DAGLA: variants seen among roughly 807,000 people sequenced by gnomAD.
The protein encoded by DAGLA is diacylglycerol lipase alpha, also known as diacylglycerol lipase-alpha.
Under a neutral mutation model 102.6 loss-of-function variants are expected in DAGLA, and 22 were observed. That is an observed-to-expected ratio of 0.21 (90% CI 0.15 to 0.31). The LOEUF (loss-of-function observed/expected upper bound fraction) is 0.31. Ranked by LOEUF, DAGLA falls within the 10% of genes least tolerant of loss-of-function variation. DAGLA has a pLI of 1.00. For synonymous variants in DAGLA, 578 were observed against 628.9 expected (o/e 0.92, Z 1.21); for missense variants, 927 against 1,446.6 (o/e 0.64, Z 5.83).
intron 1 of DAGLA, among the ~76,000 whole-genome samples, chr11:61,709,948 C>T (rs1004822492): frequency 6.6e-6 from 1 of 152,162 alleles, no homozygotes. Flanking sequence ...GCACCCACAC[C>T]AGCCAGACCC....
In DAGLA at chr11:61,744,655, T is replaced by C. The variant is rs2065521404; in HGVS notation, c.*166T>C. The C allele has an allele frequency of 5.0e-6, 3 of 594,548 alleles. No individual in the cohort carries two copies. In the Admixed American group the frequency reaches 1.0e-4, roughly 20 times the overall value. 36.8% of individuals were successfully genotyped at this position (594,548 alleles called of 1,614,324 possible). A position where few individuals can be genotyped will look rare whatever the true frequency, so the allele number is the denominator to read the frequency against. On this transcript the variant is annotated 3_prime_UTR_variant, in exon 20 of 20. Transcript: ENST00000257215. ...GGGGGTCCGCATCCCTACCTCAGCT[T>C]AGGACCCCCAGAGCCAAGGTGGCTG...
chr11:61,705,498 C>T (rs1192049182), intron 1 of DAGLA, among the ~76,000 whole-genome samples: 1 of 152,206 alleles, frequency 6.6e-6, no homozygotes, highest in African/African-American at 2.4e-5. Flanking sequence ...GTGCTTGTTC[C>T]GCTCTGCTCT....
At position 61,744,588 on chromosome 11, in the gene DAGLA, C is replaced by A. The variant is rs2065520678; in HGVS notation, c.*99C>A. 1.9e-6 allele frequency: 2 copies of A among 1,063,406 alleles called. No homozygotes were observed. The highest frequency in any genetic ancestry group is 2.6e-5 in the Admixed American group (1 of 38,854). 65.9% of individuals were successfully genotyped at this position (1,063,406 alleles called of 1,614,324 possible). ...CCGGGCAGCTTTAAGGACAGACCCC[C>A]AGGGGCAGTTTAGCCTCAGGCACAG... On this transcript the variant is annotated 3_prime_UTR_variant, in exon 20 of 20. Coordinates refer to ENST00000257215, the MANE Select transcript of DAGLA (RefSeq NM_006133.3).
chr11:61,729,910 A>G (rs1436260607), intron 8 of DAGLA, among the ~76,000 whole-genome samples: 1 of 143,146 alleles, frequency 7.0e-6, no homozygotes, highest in Non-Finnish European at 1.5e-5. Flanking sequence ...CTGTCTCTAC[A>G]AAAAAAAAAA....
intron 4 of DAGLA, 36 bp from the exon 5 acceptor site, chr11:61,723,398 G>GCGC: frequency 6.2e-7 from 1 of 1,600,520 alleles, no homozygotes; most frequent in Non-Finnish European, 8.6e-7. Context: ...GGTGTCCCCA[G>GCGC]CGCCCCTACC....
At chr11:61,723,593 G>T in intron 5 of DAGLA, 21 bp downstream of exon 5, 3 of 1,610,024 alleles carry the variant, frequency 1.9e-6, no homozygotes, top group Non-Finnish European at 2.5e-6. Flanking sequence ...GGGCTGGGTG[G>T]GCAGTCCCAG....
intron 10 of DAGLA, 119 bp downstream of exon 10, chr11:61,735,121 G>A (rs1228507438): frequency 8.2e-6 from 10 of 1,216,156 alleles, no homozygotes; most frequent in Non-Finnish European, 8.2e-6. Context: ...GCTGGCTGCA[G>A]CTTCCAGGCA....
rs1379580538 is a variant in DAGLA at position 61,744,509 on chromosome 11, GC to G, written c.*22del. The stretch of plus-strand genomic sequence containing the variant: ...CGCTAGCACCCCAGTTGCGTGGCCA[GC>G]CGGGCCCAGGCAGGAGCAGGTGGCC... On this transcript the variant is annotated 3_prime_UTR_variant, in exon 20 of 20. Coordinates refer to ENST00000257215, the MANE Select transcript of DAGLA (RefSeq NM_006133.3). 2 of 1,523,472 alleles carry G rather than the reference GC, an allele frequency of 1.3e-6. No individual in the cohort carries two copies. The highest frequency in any genetic ancestry group is 2.8e-5 in the African/African-American group (2 of 72,244). The allele number at this position is 1,523,472 out of a possible 1,614,324, so 94.4% of individuals were successfully genotyped here. A position where few individuals can be genotyped will look rare whatever the true frequency, so the allele number is the denominator to read the frequency against.
chr11:61,735,018 G>T lies in DAGLA; in HGVS notation c.1128+16G>T. On this transcript the variant is annotated intron_variant, in intron 10 of 19. Coordinates refer to ENST00000257215, the MANE Select transcript of DAGLA (RefSeq NM_006133.3). ...CCATGATGCGGTGAGGCCGGGCAGG[G>T]CTGGGGCCTGGTGTCAGGAGCAGGC... 1.9e-6 allele frequency: 3 copies of T among 1,609,596 alleles called. No individual in the cohort carries two copies. The highest frequency in any genetic ancestry group is 1.3e-5 in the African/African-American group (1 of 74,984).
At chr11:61,691,310 C>T (rs1208187928) in intron 1 of DAGLA, among the ~76,000 whole-genome samples, 2 of 152,244 alleles carry the variant, frequency 1.3e-5, no homozygotes, top group Non-Finnish European at 2.9e-5. Context: ...TATAGGAACC[C>T]TCTGAAATTG....
chr11:61,728,134 G>C lies in DAGLA; in HGVS notation c.637-19G>C. On this transcript the variant is annotated intron_variant, in intron 6 of 19. Transcript: ENST00000257215. Reference sequence around the variant, plus strand: ...TCCTGCTCCCCTGCCACTGCCTCCTGCCTTCCTGGACCTCGTAGGATGCCT... The same window carrying C: ...TCCTGCTCCCCTGCCACTGCCTCCTCCCTTCCTGGACCTCGTAGGATGCCT... The C allele has an allele frequency of 6.2e-6, 10 of 1,613,602 alleles. No homozygotes were observed. Among genetic ancestry groups the C allele is most frequent in the Non-Finnish European group, 7.6e-6 (9 of 1,179,740 alleles).
chr11:61,690,924 A>G (rs1015068742), intron 1 of DAGLA, among the ~76,000 whole-genome samples: 1 of 152,098 alleles, frequency 6.6e-6, no homozygotes, highest in African/African-American at 2.4e-5. Context: ...CTGTTGTCCA[A>G]CCGACCTTCA....
Position 61,734,545 on chromosome 11 carries a change from G to T in DAGLA, c.975-304G>T, listed in dbSNP as rs2135597918. Among the ~76,000 whole-genome samples the T allele has an allele frequency of 6.6e-6, 1 of 152,278 alleles. No individual in the cohort carries two copies. The highest frequency in any genetic ancestry group is 1.9e-4 in the East Asian group (1 of 5,160). The stretch of plus-strand genomic sequence containing the variant: ...CCCCCAGAGGGACCCCAGGGCTTCA[G>T]TGTTGGGTGCATCGCTGAGTAGGCC... On this transcript the variant is annotated intron_variant, in intron 9 of 19. Coordinates refer to ENST00000257215, the MANE Select transcript of DAGLA (RefSeq NM_006133.3). The surrounding 1 kb of genome is among the most constrained non-coding windows in gnomAD (Gnocchi z 4.2).
In DAGLA at chr11:61,686,018, G is replaced by A. The variant is rs571390325; in HGVS notation, c.-45+5514G>A. Reference sequence around the variant, plus strand: ...CATTCACTGAAGTGTTCTGAGCAAGGGTTTGGAGGCTGGTGCCACCCACCA... The same window carrying A: ...CATTCACTGAAGTGTTCTGAGCAAGAGTTTGGAGGCTGGTGCCACCCACCA... On this transcript the variant is annotated intron_variant, in intron 1 of 19. Transcript: ENST00000257215. The surrounding 1 kb of genome is among the most constrained non-coding windows in gnomAD (Gnocchi z 5.2). Among the ~76,000 whole-genome samples, 1 of 152,306 alleles carries A rather than the reference G, an allele frequency of 6.6e-6. No homozygotes were observed. The highest frequency in any genetic ancestry group is 2.1e-4 in the South Asian group (1 of 4,830).
Position 61,711,853 on chromosome 11 carries a change from G to A in DAGLA, c.-44-8259G>A, listed in dbSNP as rs753313871. On this transcript the variant is annotated intron_variant, in intron 1 of 19. Coordinates refer to ENST00000257215, the MANE Select transcript of DAGLA (RefSeq NM_006133.3). Reference sequence around the variant, plus strand: ...GGCTCTGCCGCTGAAGAGCTGAGTGGCCTTGGGCAACTTATTTAGCCTCTC... The same window carrying A: ...GGCTCTGCCGCTGAAGAGCTGAGTGACCTTGGGCAACTTATTTAGCCTCTC... Among the ~76,000 whole-genome samples, 34 of 152,332 alleles carry A rather than the reference G, an allele frequency of 2.2e-4. 1 individual carries two copies. Among genetic ancestry groups the A allele is most frequent in the Non-Finnish European group, 4.1e-4 (28 of 68,036 alleles).
At chr11:61,682,177 G>C (rs2064948707) in intron 1 of DAGLA, among the ~76,000 whole-genome samples, 1 of 152,182 alleles carries the variant, frequency 6.6e-6, no homozygotes, top group African/African-American at 2.4e-5. Context: ...CCTTCAGCAG[G>C]TGACTTCACC....
At chr11:61,696,978 C>T (rs1239407954) in intron 1 of DAGLA, among the ~76,000 whole-genome samples, 1 of 152,032 alleles carries the variant, frequency 6.6e-6, no homozygotes, top group African/African-American at 2.4e-5. Flanking sequence ...GGAGGTCACC[C>T]ATGACCTCCC....
intron 1 of DAGLA, among the ~76,000 whole-genome samples, chr11:61,687,078 G>A (rs1481252747): frequency 1.3e-5 from 2 of 152,208 alleles, no homozygotes; most frequent in African/African-American, 4.8e-5. Context: ...ACTGAACCCA[G>A]GAGAGTGTAT....
At chr11:61,727,875 G>T (rs1393849816) in intron 6 of DAGLA, among the ~76,000 whole-genome samples, 3 of 152,246 alleles carry the variant, frequency 2.0e-5, no homozygotes, top group Admixed American at 2.0e-4. Context: ...GTTGGCGCCT[G>T]CTCTTGGTAG....
Sources: allele counts gnomAD v4.1 joint callset (sites outside exome capture counted in the v4.1 genomes callset), GRCh38; gene constraint gnomAD v4.1.1; non-coding constraint Gnocchi (gnomAD v3.1); transcripts MANE v1.5; gene names NCBI Gene and HGNC (gene_info 2026-07-23, HGNC 2026-07-21).